The following LCLAT1 variants were observed in gnomAD, a reference collection of about 807,000 sequenced individuals.
LCLAT1 encodes the protein 1-AGP acyltransferase 8.
A neutral mutation model predicts 30.7 loss-of-function variants in LCLAT1; 11 were observed. The ratio of observed to expected loss-of-function variants is 0.36; its 90% confidence interval spans 0.23 to 0.59. The LOEUF (loss-of-function observed/expected upper bound fraction) is 0.59. Ranked by LOEUF, LCLAT1 falls within the 20% of genes least tolerant of loss-of-function variation. The probability of loss-of-function intolerance (pLI) is 0.77; values close to 1 mark genes in which losing one functional copy is unlikely to be tolerated. For synonymous variants in LCLAT1, 155 were observed against 151.3 expected (o/e 1.02, Z -0.18); for missense variants, 402 against 458.6 (o/e 0.88, Z 1.13).
chr2:30,550,354 C>A (rs188926252), intron 3 of LCLAT1, among the ~76,000 whole-genome samples: 72 of 152,324 alleles, frequency 4.7e-4, no homozygotes, highest in African/African-American at 1.6e-3. Flanking sequence ...AATTTTTCCA[C>A]TAATGTCCTT....
intron 5 of LCLAT1, among the ~76,000 whole-genome samples, chr2:30,586,987 A>G (rs74882739): frequency 0.076 from 11,532 of 152,210 alleles, 821 homozygotes; most frequent in African/African-American, 0.19. Flanking sequence ...TCACACCCTT[A>G]TTCCCTAATA....
chr2:30,454,834 A>C (rs927901149), intron 1 of LCLAT1, among the ~76,000 whole-genome samples: 1 of 152,228 alleles, frequency 6.6e-6, no homozygotes, highest in African/African-American at 2.4e-5. Flanking sequence ...TTGTTCACTA[A>C]GAATGGGAAG....
chr2:30,512,963 T>G (rs1323646259), intron 1 of LCLAT1, among the ~76,000 whole-genome samples: 2 of 152,180 alleles, frequency 1.3e-5, no homozygotes, highest in African/African-American at 4.8e-5. Context: ...AATTATTAAT[T>G]AAAAATGCAC....
chr2:30,517,579 T>G (rs1279331369), intron 1 of LCLAT1, among the ~76,000 whole-genome samples: 1 of 152,096 alleles, frequency 6.6e-6, no homozygotes, highest in Non-Finnish European at 1.5e-5. Context: ...AACAACATAA[T>G]AGATCAGGAT....
At chr2:30,540,207 A>G (rs984527950) in intron 3 of LCLAT1, among the ~76,000 whole-genome samples, 1 of 152,220 alleles carries the variant, frequency 6.6e-6, no homozygotes, top group African/African-American at 2.4e-5. Context: ...ATTTTGTTAA[A>G]TAGAAATGGG....
At chr2:30,489,286 C>T (rs829671) in intron 1 of LCLAT1, 113,513 of 152,076 alleles carry the variant, frequency 0.75, 43,040 homozygotes, top group East Asian at 0.87. Context: ...TTTACCTTCC[C>T]AGACTTAGTG....
chr2:30,594,462 G>A (rs1378765537), intron 5 of LCLAT1, among the ~76,000 whole-genome samples: 1 of 152,096 alleles, frequency 6.6e-6, no homozygotes, highest in Admixed American at 6.6e-5. Flanking sequence ...TTGATTAGAG[G>A]TCTTTTATGA....
At chr2:30,577,992 CT>C (rs559630527) in intron 5 of LCLAT1, among the ~76,000 whole-genome samples, 1 of 152,074 alleles carries the variant, frequency 6.6e-6, no homozygotes, top group Non-Finnish European at 1.5e-5. Flanking sequence ...TATTTGTAAA[CT>C]TTTAAACACT....
chr2:30,469,086 T>C (rs555895091), intron 1 of LCLAT1, among the ~76,000 whole-genome samples: 3 of 152,332 alleles, frequency 2.0e-5, no homozygotes, highest in African/African-American at 7.2e-5. Context: ...CCTTTACTCA[T>C]TTAAAAAAGT....
intron 1 of LCLAT1, among the ~76,000 whole-genome samples, chr2:30,447,728 C>T (rs1284674873): frequency 6.6e-6 from 1 of 152,336 alleles, no homozygotes; most frequent in African/African-American, 2.4e-5. Flanking sequence ...CAAAACCTTC[C>T]TCCTGCGACC....
In LCLAT1 at chr2:30,643,609, G is replaced by T. The variant is rs2148545623; in HGVS notation, c.*2990G>T. ...GAAATATATTGGCAGCCAAGACTCT[G>T]AACTCTGCAGAAACATTTGTTTCAC... On this transcript the variant is annotated 3_prime_UTR_variant, in exon 6 of 6. Transcript: ENST00000379509. The T allele has an allele frequency of 6.6e-6, 1 of 152,640 alleles. No homozygotes were observed. The allele number at this position is 152,640 out of a possible 1,614,324, so 9.5% of individuals were successfully genotyped here.
intron 1 of LCLAT1, among the ~76,000 whole-genome samples, chr2:30,476,142 T>G (rs1258952619): frequency 6.6e-6 from 1 of 152,224 alleles, no homozygotes; most frequent in Non-Finnish European, 1.5e-5. Flanking sequence ...TGAAATAAAG[T>G]AGCTAACCTT....
chr2:30,636,328 G>A (rs1291215099), intron 5 of LCLAT1, among the ~76,000 whole-genome samples: 2 of 152,202 alleles, frequency 1.3e-5, no homozygotes, highest in Non-Finnish European at 2.9e-5. Context: ...GTATTGAAAT[G>A]TGATTTACCC....
intron 1 of LCLAT1, among the ~76,000 whole-genome samples, chr2:30,467,919 G>C (rs1682532585): frequency 6.6e-6 from 1 of 152,134 alleles, no homozygotes; most frequent in African/African-American, 2.4e-5. Context: ...ACTTTCTTTT[G>C]CTGTGCAGAA....
intron 5 of LCLAT1, among the ~76,000 whole-genome samples, chr2:30,627,220 T>C (rs765601476): frequency 6.6e-6 from 1 of 152,142 alleles, no homozygotes; most frequent in Non-Finnish European, 1.5e-5. Context: ...CAACAGATAA[T>C]TTATCTCCTA....
Position 30,514,527 on chromosome 2 carries a change from G to C in LCLAT1, c.-4-11060G>C, listed in dbSNP as rs1486062071. 2.0e-5 allele frequency among the ~76,000 whole-genome samples: 3 copies of C among 152,288 alleles called. No homozygotes were observed. In the East Asian group the frequency reaches 5.8e-4, roughly 29 times the overall value. On this transcript the variant is annotated intron_variant, in intron 1 of 5. Coordinates refer to ENST00000379509, the MANE Select transcript of LCLAT1 (RefSeq NM_001002257.3). ...TTCATGAATAGTTGAATCTCTAGAT[G>C]TTAAATATGTAAATACCAAGAGCCC...
intron 3 of LCLAT1, among the ~76,000 whole-genome samples, chr2:30,560,283 GGTGTGT>G (rs57326977): frequency 0.058 from 8,365 of 144,554 alleles, 274 homozygotes; most frequent in African/African-American, 0.095. Context: ...AATAAAGTGT[GGTGTGT>G]GTGTGTGTGT....
Position 30,584,946 on chromosome 2 carries a change from C to CA in LCLAT1, c.628+16791dup, listed in dbSNP as rs33956361. 2.3e-3 allele frequency among the ~76,000 whole-genome samples: 242 copies of CA among 107,188 alleles called. 1 individual carries two copies. Among genetic ancestry groups the CA allele is most frequent in the South Asian group, 5.1e-3 (16 of 3,108 alleles). The allele number at this position is 107,188 out of a possible 152,430, so 70.3% of individuals were successfully genotyped here. On this transcript the variant is annotated intron_variant, in intron 5 of 5. Transcript: ENST00000379509. Reference sequence around the variant, plus strand: ...ATAAGGAACCAATATTACTATATTTCAAAAAAAAAAAAAAAAAAAAACCCT... The same window carrying CA: ...ATAAGGAACCAATATTACTATATTTCAAAAAAAAAAAAAAAAAAAAAACCCT...
chr2:30,603,743 T>G (rs1445601912), intron 5 of LCLAT1, among the ~76,000 whole-genome samples: 2 of 152,096 alleles, frequency 1.3e-5, no homozygotes, highest in East Asian at 3.9e-4. Context: ...GCAACATGCA[T>G]GTAAGATTAT....
Sources: allele counts gnomAD v4.1 joint callset (sites outside exome capture counted in the v4.1 genomes callset), GRCh38; gene constraint gnomAD v4.1.1; transcripts MANE v1.5; gene names NCBI Gene and HGNC (gene_info 2026-07-23, HGNC 2026-07-21).